The following RYR2 variants were observed in gnomAD, a reference collection of about 807,000 sequenced individuals.
RYR2 encodes ryanodine receptor 2.
In RYR2, 227 loss-of-function variants were observed where a neutral mutation model predicts 601.1. The observed-to-expected ratio is 0.38, with a 90% CI of 0.34 to 0.42. The LOEUF (loss-of-function observed/expected upper bound fraction) is 0.42. Ranked by LOEUF, RYR2 falls within the 10% of genes least tolerant of loss-of-function variation. The pLI, the probability that RYR2 is intolerant of heterozygous loss-of-function variation, is 1.00. For synonymous variants in RYR2, 2,223 were observed against 2,175.1 expected (o/e 1.02, Z -0.61); for missense variants, 4,646 against 6,156.5 (o/e 0.75, Z 8.21).
chr1:237,082,601 C>T (rs1443405376), intron 1 of RYR2, among the ~76,000 whole-genome samples: 1 of 144,980 alleles, frequency 6.9e-6, no homozygotes, highest in Non-Finnish European at 1.5e-5. Flanking sequence ...CTTATAGCCG[C>T]CCCTCCTGCA....
At position 237,590,962 on chromosome 1, in the gene RYR2, C is replaced by G; in HGVS notation, c.4130C>G (p.Ala1377Gly). The part of the protein sequence containing the change: ...KPEFNNHKDY[A>G]QEKPSRLKQR... ...GAGTTTAACAACCACAAAGATTATG[C>G]CCAGGAAAAGCCCTCTCGTCTGAAA... Residue 1377 changes from alanine to glycine, a missense_variant, in exon 31 of 105, where the codon GCC becomes GGC. Ala to Gly is a moderately conservative substitution (Grantham distance 60, BLOSUM62 0). Coordinates refer to ENST00000366574, the MANE Select transcript of RYR2 (RefSeq NM_001035.3). The G allele has an allele frequency of 1.2e-6, 2 of 1,612,942 alleles. No individual in the cohort carries two copies. The highest frequency in any genetic ancestry group is 1.7e-6 in the Non-Finnish European group (2 of 1,179,336).
At chr1:237,701,908 C>G in intron 65 of RYR2, 70 bp from the exon 66 acceptor site, 1 of 859,426 alleles carries the variant, frequency 1.2e-6, no homozygotes, top group Non-Finnish European at 1.9e-6. Context: ...TAGTACATAG[C>G]TTAAGCTTTC....
At position 237,238,287 on chromosome 1, in the gene RYR2, A is replaced by G. The variant is rs1368531335; in HGVS notation, c.49-32210A>G. 4.6e-5 allele frequency among the ~76,000 whole-genome samples: 7 copies of G among 152,114 alleles called. No individual in the cohort carries two copies. In the South Asian group the frequency reaches 1.2e-3, roughly 27 times the overall value. On this transcript the variant is annotated intron_variant, in intron 1 of 104. Coordinates refer to ENST00000366574, the MANE Select transcript of RYR2 (RefSeq NM_001035.3). ...TGCCCAGCCCTTAACTCTTTCAATC[A>G]GAAAAATCTTTGAGTCCACCTATGA... is the stretch of plus-strand genomic sequence containing the variant.
intron 80 of RYR2, 26 bp downstream of exon 80, chr1:237,742,375 CTT>C (rs1691692606): frequency 7.4e-6 from 11 of 1,494,420 alleles, no homozygotes; most frequent in Non-Finnish European, 1.0e-5. Flanking sequence ...CTGGATTTGC[CTT>C]TCTTTCTATC....
chr1:237,760,191 A>T (rs776230173), intron 83 of RYR2, among the ~76,000 whole-genome samples: 2 of 133,314 alleles, frequency 1.5e-5, no homozygotes, highest in South Asian at 2.4e-4. Flanking sequence ...CAAAAAGATT[A>T]AAAAAAAAAA....
At chr1:237,568,203 G>A (rs954306203) in intron 28 of RYR2, among the ~76,000 whole-genome samples, 1 of 152,154 alleles carries the variant, frequency 6.6e-6, no homozygotes, top group Non-Finnish European at 1.5e-5. Context: ...ACCACAGCCA[G>A]GTAAGTCGGT....
chr1:237,183,155 C>A (rs1678974364), intron 1 of RYR2, among the ~76,000 whole-genome samples: 1 of 152,148 alleles, frequency 6.6e-6, no homozygotes, highest in Non-Finnish European at 1.5e-5. Flanking sequence ...TATAAGTCAC[C>A]ACCAATCCTT....
intron 16 of RYR2, among the ~76,000 whole-genome samples, chr1:237,466,121 C>T (rs1660061046): frequency 6.6e-6 from 1 of 151,978 alleles, no homozygotes; most frequent in Non-Finnish European, 1.5e-5. Context: ...GACCATTTTA[C>T]CCAGATGTTC....
chr1:237,353,223 G>A (rs540044434), intron 3 of RYR2, among the ~76,000 whole-genome samples: 3 of 152,222 alleles, frequency 2.0e-5, no homozygotes, highest in African/African-American at 7.2e-5. Context: ...AAAAGTTTAT[G>A]GAATAGTTCA....
intron 1 of RYR2, among the ~76,000 whole-genome samples, chr1:237,142,867 GA>G (rs1480292141): frequency 7.2e-5 from 11 of 152,180 alleles, no homozygotes; most frequent in Non-Finnish European, 1.3e-4. Context: ...AATACAGATG[GA>G]AACCAGCATT....
chr1:237,815,049 T>C (rs1431632015), intron 100 of RYR2, among the ~76,000 whole-genome samples: 1 of 127,608 alleles, frequency 7.8e-6, no homozygotes, highest in Non-Finnish European at 1.6e-5. Context: ...CTAAAGCCAA[T>C]AGAAACTATG....
chr1:237,425,862 A>G (rs1373474090), intron 12 of RYR2, among the ~76,000 whole-genome samples: 1 of 152,136 alleles, frequency 6.6e-6, no homozygotes, highest in Non-Finnish European at 1.5e-5. Flanking sequence ...ACTGTACATT[A>G]CAAAATATGA....
intron 12 of RYR2, among the ~76,000 whole-genome samples, chr1:237,431,260 A>T (rs972634768): frequency 6.6e-6 from 1 of 152,188 alleles, no homozygotes; most frequent in African/African-American, 2.4e-5. Flanking sequence ...TGAACTAGAG[A>T]CACTAACTCT....
intron 58 of RYR2, among the ~76,000 whole-genome samples, chr1:237,671,404 C>A (rs1684915034): frequency 6.6e-6 from 1 of 151,864 alleles, no homozygotes. Context: ...ATCCTTATAG[C>A]CAACAGTTGT....
intron 1 of RYR2, among the ~76,000 whole-genome samples, chr1:237,119,576 A>G (rs1378423021): frequency 1.3e-5 from 2 of 152,172 alleles, no homozygotes; most frequent in Admixed American, 6.5e-5. Context: ...CCTTGGGTCC[A>G]TCTCTCCTAC....
chr1:237,320,995 T>C (rs1374496345), intron 2 of RYR2, among the ~76,000 whole-genome samples: 1 of 151,590 alleles, frequency 6.6e-6, no homozygotes, highest in Non-Finnish European at 1.5e-5. Context: ...ATCACAAATG[T>C]TACCACAAAT....
chr1:237,149,665 C>T lies in RYR2; in HGVS notation c.48+107096C>T, dbSNP rs144457360. ...GTTTCCCTCCCACACACCTGTTATA[C>T]ATTACCACAATGTATTTGATTAGTT... On this transcript the variant is annotated intron_variant, in intron 1 of 104. Coordinates refer to ENST00000366574, the MANE Select transcript of RYR2 (RefSeq NM_001035.3). Among the ~76,000 whole-genome samples the T allele has an allele frequency of 3.3e-5, 5 of 152,290 alleles. No homozygotes were observed. The East Asian group carries it at 9.6e-4, about 29-fold the overall frequency.
chr1:237,077,872 G>A (rs1384553231), intron 1 of RYR2, among the ~76,000 whole-genome samples: 1 of 135,552 alleles, frequency 7.4e-6, no homozygotes, highest in Non-Finnish European at 1.6e-5. Context: ...CCACATAGTT[G>A]GAAGTAAAGC....
chr1:237,328,215 A>G (rs1558630632), intron 2 of RYR2, among the ~76,000 whole-genome samples: 2 of 152,178 alleles, frequency 1.3e-5, no homozygotes, highest in Admixed American at 6.5e-5. Context: ...AGCAGTGCCA[A>G]AGTATAAGCC....
Sources: gnomAD v4.1 joint callset for allele counts (sites outside exome capture counted in the v4.1 genomes callset) on GRCh38, gnomAD v4.1.1 for gene constraint, MANE v1.5 for transcripts, NCBI Gene and HGNC (gene_info 2026-07-23, HGNC 2026-07-21) for gene names.